Variants in ZC4H2 observed in about 807,000 individuals in gnomAD.
ZC4H2 encodes zinc finger C4H2-type containing.
For missense variants in ZC4H2, 137 were observed against 173.9 expected (o/e 0.79, Z 1.19); for synonymous variants, 84 against 66.3 (o/e 1.27, Z -1.30).
In ZC4H2 at chrX:65,027,626, C is replaced by G. The variant is rs141684918; in HGVS notation, c.-272+7003G>C. On this transcript the variant is annotated intron_variant, in intron 1 of 4. Coordinates refer to the ZC4H2 transcript ENST00000337990. ...GGTTTGGGAGACAAGGTAAAATACA[C>G]CTACCCAGAGAGGGACAATAGGACC... is the stretch of plus-strand genomic sequence containing the variant. 4.5e-5 allele frequency among the ~76,000 whole-genome samples: 5 copies of G among 111,033 alleles called. No homozygotes were observed. In the East Asian group the frequency reaches 1.4e-3, roughly 32 times the overall value.
At chrX:64,975,099 T>C (rs770591625) in intron 1 of ZC4H2, among the ~76,000 whole-genome samples, 2 of 110,119 alleles carry the variant, frequency 1.8e-5, no homozygotes, top group South Asian at 7.9e-4. Context: ...AATTTCAAGC[T>C]GCGTGGCTGT....
At chrX:65,014,085 A>C (rs1289763044) in intron 1 of ZC4H2, among the ~76,000 whole-genome samples, 1 of 111,223 alleles carries the variant, frequency 9.0e-6, no homozygotes, top group Admixed American at 9.7e-5. Flanking sequence ...AAGGAATTCA[A>C]GCAGAATCTG....
At chrX:64,952,282 A>G (rs113075709) in intron 1 of ZC4H2, among the ~76,000 whole-genome samples, 24,506 of 108,630 alleles carry the variant, frequency 0.23, 7,256 homozygotes, top group African/African-American at 0.8. Context: ...TTGGCAATGC[A>G]GGCTCTTTTT....
Position 65,008,512 on chromosome X carries a change from C to A in ZC4H2, c.-272+26117G>T, listed in dbSNP as rs777830047. Among the ~76,000 whole-genome samples, 3 of 112,382 alleles carry A rather than the reference C, an allele frequency of 2.7e-5. No individual in the cohort carries two copies. The East Asian group carries it at 8.3e-4, about 31-fold the overall frequency. On this transcript the variant is annotated intron_variant, in intron 1 of 4. Coordinates refer to the ZC4H2 transcript ENST00000337990. ...CATATATCAAAGAGATAACTGCCCT[C>A]CCATGTTTACTGGAGCACTATTCAC...
At chrX:64,957,925 C>G (rs1182336086) in intron 1 of ZC4H2, among the ~76,000 whole-genome samples, 2 of 110,652 alleles carry the variant, frequency 1.8e-5, no homozygotes, top group Non-Finnish European at 3.8e-5. Flanking sequence ...TAGGCCTACA[C>G]AGGGTTAGGA....
At chrX:64,989,041 T>C (rs1602440605) in intron 1 of ZC4H2, among the ~76,000 whole-genome samples, 1 of 111,949 alleles carries the variant, frequency 8.9e-6, no homozygotes, top group African/African-American at 3.3e-5. Flanking sequence ...ATATGCGGCA[T>C]TATTTCTGAG....
chrX:65,028,345 C>T (rs1184735515), intron 1 of ZC4H2, among the ~76,000 whole-genome samples: 2 of 111,988 alleles, frequency 1.8e-5, no homozygotes, highest in Non-Finnish European at 3.8e-5. Flanking sequence ...GGCAAGAATC[C>T]CTGTCTTCAT....
intron 1 of ZC4H2, among the ~76,000 whole-genome samples, chrX:64,970,500 G>A (rs1931742710): frequency 9.7e-6 from 1 of 103,365 alleles, no homozygotes; most frequent in Non-Finnish European, 2.0e-5. Flanking sequence ...AAGAGAGGAA[G>A]GGAGGGAGGG....
chrX:65,027,864 TG>T (rs1932895338), intron 1 of ZC4H2, among the ~76,000 whole-genome samples: 3 of 111,863 alleles, frequency 2.7e-5, no homozygotes, highest in African/African-American at 9.8e-5. Flanking sequence ...TTGTCTGAAT[TG>T]TCTTGATTCC....
At position 64,919,357 on chromosome X, in the gene ZC4H2, T is replaced by C. The variant is rs779981001; in HGVS notation, c.399-153A>G. 2.5e-3 allele frequency: 1,397 copies of C among 556,321 alleles called. 5 individuals are homozygous for C. The highest frequency in any genetic ancestry group is 6.7e-3 in the Middle Eastern group (16 of 2,390). The allele number at this position is 556,321 out of a possible 1,213,427, so 45.8% of individuals were successfully genotyped here. ...CAAGCACAAGGCTATTGTCCCTGGG[T>C]ACTAGGCCCAATGTCTGATGAGAAG... On this transcript the variant is annotated intron_variant, in intron 3 of 4. Transcript: ENST00000374839.
intron 1 of ZC4H2, among the ~76,000 whole-genome samples, chrX:65,030,778 AC>A (rs1932926338): frequency 9.0e-6 from 1 of 110,525 alleles, no homozygotes; most frequent in African/African-American, 3.3e-5. Flanking sequence ...GAAGTCCCCT[AC>A]CCTTGGTATC....
intron 1 of ZC4H2, among the ~76,000 whole-genome samples, chrX:65,009,050 C>G (rs972018819): frequency 1.8e-5 from 2 of 111,690 alleles, no homozygotes; most frequent in African/African-American, 6.5e-5. Context: ...ACACATTTTA[C>G]GATAGTATTA....
upstream of ZC4H2, among the ~76,000 whole-genome samples, chrX:64,979,601 A>T (rs191921811): frequency 2.4e-4 from 27 of 111,949 alleles, no homozygotes; most frequent in Non-Finnish European, 9.4e-5. Flanking sequence ...AGTGGGGAAG[A>T]GAAGGAAACT....
chrX:65,033,873 G>T (rs1569235517), intron 1 of ZC4H2, among the ~76,000 whole-genome samples: 1 of 111,049 alleles, frequency 9.0e-6, no homozygotes, highest in Non-Finnish European at 1.9e-5. Context: ...CGGATCACTT[G>T]AGGTCAGGAG....
At chrX:65,022,225 A>G (rs1347400427) in intron 1 of ZC4H2, among the ~76,000 whole-genome samples, 1 of 111,982 alleles carries the variant, frequency 8.9e-6, no homozygotes, top group Non-Finnish European at 1.9e-5. Flanking sequence ...CACACAAAAA[A>G]AGAAAATTTC....
chrX:64,997,763 C>T (rs1473062971), intron 1 of ZC4H2, among the ~76,000 whole-genome samples: 1 of 111,275 alleles, frequency 9.0e-6, no homozygotes, highest in East Asian at 2.8e-4. Context: ...ATGGCAGGAC[C>T]ACACCACCAT....
chrX:64,970,780 G>A (rs1292780032), intron 1 of ZC4H2, among the ~76,000 whole-genome samples: 2 of 112,018 alleles, frequency 1.8e-5, no homozygotes, highest in Non-Finnish European at 3.8e-5. Flanking sequence ...AGAGGCAAAG[G>A]TCTGGTGGAA....
intron 1 of ZC4H2, among the ~76,000 whole-genome samples, chrX:64,966,672 A>T (rs1931603911): frequency 1.8e-5 from 2 of 112,035 alleles, no homozygotes; most frequent in Non-Finnish European, 3.8e-5. Context: ...TCTCAAAAAC[A>T]ATAAGCTAAG....
At chrX:64,946,926 G>C (rs1170195286) in intron 1 of ZC4H2, among the ~76,000 whole-genome samples, 1 of 111,109 alleles carries the variant, frequency 9.0e-6, no homozygotes, top group African/African-American at 3.3e-5. Context: ...TTCTTGAAGT[G>C]GGAGCTTAGA....
Sources: gnomAD v4.1 joint callset for allele counts (sites outside exome capture counted in the v4.1 genomes callset) on GRCh38, gnomAD v4.1.1 for gene constraint, MANE v1.5 for transcripts, NCBI Gene and HGNC (gene_info 2026-07-23, HGNC 2026-07-21) for gene names.